Variants in TJP1 observed in about 807,000 individuals in gnomAD.
TJP1 encodes the protein tight junction protein 1.
In TJP1, 43 loss-of-function variants were observed where a neutral mutation model predicts 194.2. That is an observed-to-expected ratio of 0.22 (90% CI 0.17 to 0.29). The LOEUF (loss-of-function observed/expected upper bound fraction) is 0.29. Ranked by LOEUF, TJP1 falls within the 10% of genes least tolerant of loss-of-function variation. The pLI, the probability that TJP1 is intolerant of heterozygous loss-of-function variation, is 1.00. For synonymous variants in TJP1, 801 were observed against 779.0 expected, an observed-to-expected ratio of 1.03 and a Z score of -0.47; for missense variants, 1,971 against 2,185.7, an observed-to-expected ratio of 0.90 and a Z score of 1.96.
intron 2 of TJP1, among the ~76,000 whole-genome samples, chr15:29,798,441 T>C (rs938589239): frequency 1.3e-5 from 2 of 152,188 alleles, no homozygotes; most frequent in African/African-American, 4.8e-5. Context: ...AAATTCAGAA[T>C]GTTCCAATGA....
intron 2 of TJP1, among the ~76,000 whole-genome samples, chr15:29,904,180 C>T (rs2053729605): frequency 6.6e-6 from 1 of 152,098 alleles, no homozygotes; most frequent in Non-Finnish European, 1.5e-5. Context: ...AATGAGGGTT[C>T]AGGATTTCCT....
At chr15:29,872,786 C>G (rs975013882) in intron 2 of TJP1, among the ~76,000 whole-genome samples, 2 of 152,214 alleles carry the variant, frequency 1.3e-5, no homozygotes, top group Non-Finnish European at 2.9e-5. Context: ...TTTGGAGAAG[C>G]CACCACACAG....
chr15:29,841,252 G>A (rs915766688), intron 2 of TJP1, among the ~76,000 whole-genome samples: 3 of 152,160 alleles, frequency 2.0e-5, no homozygotes, highest in Admixed American at 6.5e-5. Flanking sequence ...TAACCTAGAC[G>A]AGGCTGCAGT....
chr15:29,718,342 C>A lies in TJP1; in HGVS notation c.3800G>T (p.Arg1267Ile). 1 of 1,614,080 alleles carries A rather than the reference C, an allele frequency of 6.2e-7. No individual in the cohort carries two copies. Among genetic ancestry groups the A allele is most frequent in the Non-Finnish European group, 8.5e-7 (1 of 1,180,018 alleles). The change falls in exon 21 of 28, where the codon AGA becomes ATA. Residue 1267 changes from arginine to isoleucine, a missense_variant. By Grantham distance (97) the Arg-to-Ile change is moderately conservative. Transcript: ENST00000614355. ...PAMKPQSVLT[R>I]VKMFENKRSA... ...TCTTTTGTTTTCAAACATCTTAACT[C>A]TGGTGAGTACAGACTGTGGCTTCAT...
rs369092296 is a variant in TJP1, at chr15:29,719,006, C to A, written c.3136G>T (p.Val1046Leu). ...AGGTCTCTGCTGGCTTGTTTCTCTA[C>A]GTATGGGAGTTGGGGTTCATAGGTC... ...NLTYEPQLPY[V>L]EKQASRDLEQ... Residue 1046 changes from valine to leucine, a missense_variant, in exon 21 of 28, where the codon GTA becomes TTA. Transcript: ENST00000614355. 6.2e-7 allele frequency: 1 copy of A among 1,614,152 alleles called. No individual in the cohort carries two copies. Among genetic ancestry groups the A allele is most frequent in the African/African-American group, 1.3e-5 (1 of 75,040 alleles).
rs866547432 is a variant in TJP1, at chr15:29,801,554, C to T, written c.28-852G>A. On this transcript the variant is annotated intron_variant, in intron 1 of 27. Coordinates refer to ENST00000614355, the MANE Select transcript of TJP1 (RefSeq NM_001330239.4). The stretch of plus-strand genomic sequence containing the variant: ...TCGGCTCACTGCAAGCTCCGCCTCC[C>T]GGGTTCACGCCATTCTCCTGCCTCA... 1.8e-3 allele frequency among the ~76,000 whole-genome samples: 271 copies of T among 150,160 alleles called. 1 individual carries two copies. Among genetic ancestry groups the T allele is most frequent in the African/African-American group, 6.1e-3 (251 of 41,078 alleles).
In TJP1 at chr15:29,737,253, T is replaced by C; in HGVS notation, c.1407+11A>G. 1 of 1,613,012 alleles carries C rather than the reference T, an allele frequency of 6.2e-7. No homozygotes were observed. Among genetic ancestry groups the C allele is most frequent in the South Asian group, 1.1e-5 (1 of 90,890 alleles). ...ACTTTTTAACCCACATAAGTTGCAATACTGACATACCCTGAGAATTTGATC... is the reference window on the plus strand; with the variant it reads ...ACTTTTTAACCCACATAAGTTGCAACACTGACATACCCTGAGAATTTGATC... On this transcript the variant is annotated intron_variant, in intron 11 of 27. Coordinates refer to ENST00000614355, the MANE Select transcript of TJP1 (RefSeq NM_001330239.4).
intron 15 of TJP1, among the ~76,000 whole-genome samples, chr15:29,731,327 T>G (rs1360587571): frequency 1.3e-5 from 2 of 152,206 alleles, no homozygotes; most frequent in African/African-American, 4.8e-5. Flanking sequence ...TGTTTTTATG[T>G]CCTCTTCTCC....
chr15:29,707,769 A>T (rs1287487537), intron 25 of TJP1, among the ~76,000 whole-genome samples: 1 of 152,218 alleles, frequency 6.6e-6, no homozygotes, highest in Non-Finnish European at 1.5e-5. Flanking sequence ...GTCAGAGGTT[A>T]TTCTATTTTT....
In TJP1 at chr15:29,751,843, G is replaced by A. The variant is rs1426579539; in HGVS notation, c.1011-9062C>T. 3.9e-5 allele frequency among the ~76,000 whole-genome samples: 6 copies of A among 152,206 alleles called. No individual in the cohort carries two copies. In the East Asian group the frequency reaches 7.7e-4, roughly 20 times the overall value. ...AGTGGAGCAGTTTGTTTTTAAATTT[G>A]CCATTTTTAAATATTGTACTTGTAG... On this transcript the variant is annotated intron_variant, in intron 8 of 27. Coordinates refer to ENST00000614355, the MANE Select transcript of TJP1 (RefSeq NM_001330239.4).
chr15:29,796,342 A>AAAAAAAAAAC (rs1310731886), intron 2 of TJP1, among the ~76,000 whole-genome samples: 2 of 150,020 alleles, frequency 1.3e-5, no homozygotes, highest in Non-Finnish European at 3.0e-5. Context: ...GGTTGCTATA[A>AAAAAAAAAAC]AAAAAAAAAC....
At chr15:29,835,191 T>C (rs2050985560) in intron 2 of TJP1, among the ~76,000 whole-genome samples, 2 of 152,220 alleles carry the variant, frequency 1.3e-5, no homozygotes, top group Admixed American at 1.3e-4. Context: ...TGTGGTTATC[T>C]GTAGGTCTTA....
intron 2 of TJP1, among the ~76,000 whole-genome samples, chr15:29,789,301 T>G (rs576359399): frequency 6.6e-6 from 1 of 152,188 alleles, no homozygotes; most frequent in East Asian, 1.9e-4. Flanking sequence ...ACTAAGGAGA[T>G]AGAAAACGGA....
chr15:29,859,104 T>C (rs1237413038), intron 2 of TJP1, among the ~76,000 whole-genome samples: 3 of 152,348 alleles, frequency 2.0e-5, no homozygotes, highest in East Asian at 1.9e-4. Flanking sequence ...TACTTAAGCA[T>C]TAACATGCTA....
intron 2 of TJP1, among the ~76,000 whole-genome samples, chr15:29,863,013 G>C (rs897617899): frequency 1.3e-5 from 2 of 151,074 alleles, no homozygotes; most frequent in African/African-American, 4.8e-5. Context: ...CTGATTGCTT[G>C]TCTGGGCACG....
At chr15:29,704,841 G>C (rs939298967) in intron 26 of TJP1, among the ~76,000 whole-genome samples, 5 of 152,186 alleles carry the variant, frequency 3.3e-5, no homozygotes, top group Admixed American at 2.0e-4. Flanking sequence ...CAGTCCTACT[G>C]GTTTTTAAAA....
chr15:29,872,772 C>T (rs182290041), intron 2 of TJP1, among the ~76,000 whole-genome samples: 1 of 152,292 alleles, frequency 6.6e-6, no homozygotes, highest in Non-Finnish European at 1.5e-5. Flanking sequence ...CTTGGTGTCC[C>T]CTCTTTGGAG....
chr15:29,821,073 T>C (rs373925613), intron 1 of TJP1, among the ~76,000 whole-genome samples: 3 of 152,358 alleles, frequency 2.0e-5, no homozygotes, highest in African/African-American at 7.2e-5. Flanking sequence ...GATTTTTTAC[T>C]CCTCACATTT....
chr15:29,873,410 A>C (rs2052593003), intron 2 of TJP1, among the ~76,000 whole-genome samples: 1 of 152,172 alleles, frequency 6.6e-6, no homozygotes, highest in Non-Finnish European at 1.5e-5. Context: ...GGAAACCGAC[A>C]AGGCCCTGCT....
Sources: gnomAD v4.1 joint callset for allele counts (sites outside exome capture counted in the v4.1 genomes callset) on GRCh38, gnomAD v4.1.1 for gene constraint, MANE v1.5 for transcripts, NCBI Gene and HGNC (gene_info 2026-07-23, HGNC 2026-07-21) for gene names.